Variants in DISC1 observed in about 807,000 individuals in gnomAD.
DISC1 encodes DISC1 scaffold protein.
Under a neutral mutation model 84.5 loss-of-function variants are expected in DISC1, and 57 were observed. The ratio of observed to expected loss-of-function variants is 0.67; its 90% confidence interval spans 0.55 to 0.84. The LOEUF is 0.84. Among genes scored for constraint, DISC1 ranks in the 40% least tolerant of loss-of-function variants. The pLI is 0.00. For synonymous variants in DISC1, 411 were observed against 415.2 expected, an observed-to-expected ratio of 0.99 and a Z score of 0.12; for missense variants, 1,000 against 1,057.8, an observed-to-expected ratio of 0.95 and a Z score of 0.76.
At chr1:231,673,322 C>CTT (rs991879176) in intron 1 of DISC1, among the ~76,000 whole-genome samples, 2 of 151,992 alleles carry the variant, frequency 1.3e-5, no homozygotes, top group Non-Finnish European at 2.9e-5. Flanking sequence ...CTTTTCTTTT[C>CTT]TTTTTTTAAG....
At chr1:232,005,930 G>C (rs200575238) in intron 10 of DISC1, among the ~76,000 whole-genome samples, 1,389 of 3,038 alleles carry the variant, frequency 0.46, 30 homozygotes, top group Admixed American at 0.51. Context: ...GAAAATTCCT[G>C]ATTTTGGTTT....
At chr1:231,854,605 A>T (rs916966909) in intron 9 of DISC1, 1 of 152,402 alleles carries the variant, frequency 6.6e-6, no homozygotes, top group African/African-American at 2.4e-5. Flanking sequence ...TGTTCTGAAA[A>T]GATTCAAGTT....
chr1:231,865,331 C>A (rs1000840510), intron 9 of DISC1, among the ~76,000 whole-genome samples: 1 of 152,186 alleles, frequency 6.6e-6, no homozygotes, highest in African/African-American at 2.4e-5. Flanking sequence ...TGCCAAAGAC[C>A]ACCAATACAT....
intron 10 of DISC1, among the ~76,000 whole-genome samples, chr1:232,008,412 T>C (rs576151825): frequency 6.6e-6 from 1 of 152,328 alleles, no homozygotes; most frequent in Admixed American, 6.5e-5. Flanking sequence ...TGATGGAGAA[T>C]GGACAGAGAG....
chr1:231,771,728 C>G, intron 6 of DISC1: 1 of 277,700 alleles, frequency 3.6e-6, no homozygotes, highest in Non-Finnish European at 5.5e-6. Flanking sequence ...CTCCACTCTA[C>G]TCTGGAGTGA....
rs201559788 is a variant in DISC1, at chr1:231,675,851, CTTTTT to C, written c.68-17963_68-17959del. 7.3e-6 allele frequency among the ~76,000 whole-genome samples: 1 copy of C among 137,670 alleles called. No homozygotes were observed. The allele number at this position is 137,670 out of a possible 152,430, so 90.3% of individuals were successfully genotyped here. A position where few individuals can be genotyped will look rare whatever the true frequency, so the allele number is the denominator to read the frequency against. ...GTATATTGTATTTGTTTTTTCTTTT[CTTTTT>C]TTTTTTTTTTTGACACAGAATTCCC... On this transcript the variant is annotated intron_variant, in intron 1 of 12. Transcript: ENST00000439617. The surrounding 1 kb of genome is among the most constrained non-coding windows in gnomAD (Gnocchi z 4.1).
intron 1 of DISC1, among the ~76,000 whole-genome samples, chr1:231,649,835 C>T (rs1028090233): frequency 6.6e-6 from 1 of 152,098 alleles, no homozygotes; most frequent in Non-Finnish European, 1.5e-5. Context: ...CTCTTTTGAT[C>T]TTTGCTGGTT....
At position 231,626,860 on chromosome 1, in the gene DISC1, C is replaced by T. The variant is rs1412452881; in HGVS notation, c.-8C>T. 3 of 1,447,610 alleles carry T rather than the reference C, an allele frequency of 2.1e-6. No homozygotes were observed. Among genetic ancestry groups the T allele is most frequent in the African/African-American group, 1.5e-5 (1 of 66,642 alleles). 89.7% of individuals were successfully genotyped at this position (1,447,610 alleles called of 1,614,324 possible). The stretch of plus-strand genomic sequence containing the variant: ...CAGGCGGAGCGGGAGGAGCTGGCAG[C>T]GGGGCGCATGCCAGGCGGGGGTCCT... On this transcript the variant is annotated 5_prime_UTR_variant, in exon 1 of 13. Transcript: ENST00000439617.
intron 10 of DISC1, among the ~76,000 whole-genome samples, chr1:231,991,965 T>C (rs1405166591): frequency 6.6e-6 from 1 of 152,212 alleles, no homozygotes; most frequent in Non-Finnish European, 1.5e-5. Context: ...TCTTTCAACT[T>C]TAAGAGGTAA....
intron 6 of DISC1, among the ~76,000 whole-genome samples, chr1:231,778,936 T>A (rs1280335842): frequency 6.6e-6 from 1 of 152,190 alleles, no homozygotes; most frequent in Non-Finnish European, 1.5e-5. Flanking sequence ...TGCCTTGTTA[T>A]AATCCCTCCC....
chr1:231,704,842 T>A (rs2066862307), intron 3 of DISC1, among the ~76,000 whole-genome samples: 1 of 147,910 alleles, frequency 6.8e-6, no homozygotes, highest in Admixed American at 6.7e-5. Flanking sequence ...TCTAATGATC[T>A]CCCAAATGAT....
At chr1:231,928,885 C>T (rs1442205755) in intron 9 of DISC1, among the ~76,000 whole-genome samples, 9 of 152,306 alleles carry the variant, frequency 5.9e-5, no homozygotes, top group African/African-American at 1.9e-4. Context: ...GTTTCTTAAT[C>T]CTGAGTTCTA....
At chr1:231,924,952 G>C (rs1042978039) in intron 9 of DISC1, among the ~76,000 whole-genome samples, 3 of 130,348 alleles carry the variant, frequency 2.3e-5, no homozygotes, top group African/African-American at 9.0e-5. Flanking sequence ...CACTGCGCCC[G>C]GCCTTTTTTT....
At chr1:231,748,672 T>G (rs2074276609) in intron 3 of DISC1, among the ~76,000 whole-genome samples, 1 of 152,236 alleles carries the variant, frequency 6.6e-6, no homozygotes, top group East Asian at 1.9e-4. Flanking sequence ...TGTGTCTCTC[T>G]TCATCAGAGA....
chr1:231,899,930 T>C (rs948741014), intron 9 of DISC1, among the ~76,000 whole-genome samples: 25 of 152,234 alleles, frequency 1.6e-4, no homozygotes, highest in African/African-American at 6.0e-4. Context: ...ACTAGATTTA[T>C]TGGAGCTTCT....
chr1:231,770,477 G>T (rs2076466757), intron 5 of DISC1, among the ~76,000 whole-genome samples: 1 of 152,104 alleles, frequency 6.6e-6, no homozygotes, highest in Admixed American at 6.5e-5. Context: ...GGGGTAACCT[G>T]CTTAGCTCAG....
chr1:231,710,751 A>G (rs550900234), intron 3 of DISC1, among the ~76,000 whole-genome samples: 77 of 152,240 alleles, frequency 5.1e-4, no homozygotes, highest in African/African-American at 1.8e-3. Context: ...CACCAGTCAT[A>G]TTGGAATAGG....
chr1:231,697,530 C>T (rs934233059), intron 2 of DISC1, among the ~76,000 whole-genome samples: 1 of 151,980 alleles, frequency 6.6e-6, no homozygotes, highest in African/African-American at 2.4e-5. Flanking sequence ...ACCTTGAACT[C>T]CTGGGCTCAA....
At chr1:231,878,874 T>C (rs141654421) in intron 9 of DISC1, among the ~76,000 whole-genome samples, 7 of 152,140 alleles carry the variant, frequency 4.6e-5, no homozygotes, top group African/African-American at 1.2e-4. Flanking sequence ...ATAAAGGGAG[T>C]CATACCATAT....
Sources: gnomAD v4.1 joint callset for allele counts (sites outside exome capture counted in the v4.1 genomes callset) on GRCh38, gnomAD v4.1.1 for gene constraint, Gnocchi (gnomAD v3.1) non-coding constraint, MANE v1.5 for transcripts, NCBI Gene and HGNC (gene_info 2026-07-23, HGNC 2026-07-21) for gene names.